Variants in RANBP2 observed in about 807,000 individuals in gnomAD.
The protein encoded by RANBP2 is E3 SUMO-protein ligase RanBP2.
A neutral mutation model predicts 303.6 loss-of-function variants in RANBP2; 57 were observed. That is an observed-to-expected ratio of 0.19 (90% CI 0.15 to 0.23). The LOEUF is 0.23. Among genes scored for constraint, RANBP2 ranks in the 10% least tolerant of loss-of-function variants. The pLI is 1.00. For synonymous variants in RANBP2, 1,167 were observed against 1,301.5 expected (o/e 0.90, Z 2.23); for missense variants, 3,138 against 3,780.8 (o/e 0.83, Z 4.46).
chr2:109,724,153 C>A, the RANBP2 span, among the ~76,000 whole-genome samples: 1 of 152,172 alleles, frequency 6.6e-6, no homozygotes, highest in Non-Finnish European at 1.5e-5. Context: ...CAGCACCATG[C>A]TGTTTTGGTT....
At chr2:108,975,004 C>T in the RANBP2 span, among the ~76,000 whole-genome samples, 2 of 152,196 alleles carry the variant, frequency 1.3e-5, no homozygotes, top group Admixed American at 6.5e-5. Flanking sequence ...TTCTGCAAGT[C>T]CCCTCAGCAA....
chr2:109,249,523 C>CTT, the RANBP2 span, among the ~76,000 whole-genome samples: 1,247 of 106,930 alleles, frequency 0.012, 10 homozygotes, highest in East Asian at 0.018. Flanking sequence ...CTTTCTTTTT[C>CTT]TTTCTTTCTT....
the RANBP2 span, among the ~76,000 whole-genome samples, chr2:109,288,407 A>G: frequency 6.6e-6 from 1 of 152,228 alleles, no homozygotes; most frequent in Non-Finnish European, 1.5e-5. Flanking sequence ...CAAAGGAGGC[A>G]TTTGAATGTG....
chr2:109,570,430 G>C, the RANBP2 span, among the ~76,000 whole-genome samples: 1 of 151,798 alleles, frequency 6.6e-6, no homozygotes, highest in Non-Finnish European at 1.5e-5. Flanking sequence ...AAAAATATTA[G>C]GGGAAAAATT....
chr2:109,615,800 C>T, the RANBP2 span: 1 of 1,613,910 alleles, frequency 6.2e-7, no homozygotes, highest in Non-Finnish European at 8.5e-7. Flanking sequence ...ATGGAGGGGA[C>T]CATCACCACC....
chr2:108,788,811 ATTG>A (rs536817990), downstream of RANBP2: 339 of 1,612,700 alleles, frequency 2.1e-4, no homozygotes, highest in Non-Finnish European at 2.7e-4. Context: ...TTTGTGATAT[ATTG>A]TTGTGGTAAT....
At chr2:109,381,332 C>T in the RANBP2 span, among the ~76,000 whole-genome samples, 1 of 152,338 alleles carries the variant, frequency 6.6e-6, no homozygotes, top group Admixed American at 6.5e-5. Context: ...TCTCCTGTCA[C>T]TCATATGGAC....
the RANBP2 span, among the ~76,000 whole-genome samples, chr2:109,416,206 C>T: frequency 1.2e-3 from 189 of 152,274 alleles, no homozygotes; most frequent in Non-Finnish European, 2.3e-3. Context: ...TGCCTCATGC[C>T]TTTCGAAGCC....
At chr2:109,476,737 AGAATAGCTGTTCCATAGACAGCAGCCCTG>A in the RANBP2 span, among the ~76,000 whole-genome samples, 1 of 152,242 alleles carries the variant, frequency 6.6e-6, no homozygotes, top group Admixed American at 6.5e-5. Context: ...AAGGAATACA[AGAATAGCTGTTCCATAGACAGCAGCCCTG>A]AGGGCTGCTG....
the RANBP2 span, among the ~76,000 whole-genome samples, chr2:109,554,309 T>C: frequency 1.4e-4 from 21 of 152,302 alleles, no homozygotes; most frequent in Non-Finnish European, 2.2e-4. Context: ...CTGAGCACTT[T>C]CACACCGCAT....
the RANBP2 span, among the ~76,000 whole-genome samples, chr2:109,252,738 C>T: frequency 2.0e-5 from 3 of 152,192 alleles, no homozygotes; most frequent in Non-Finnish European, 4.4e-5. Flanking sequence ...CTAATGTAAT[C>T]AGCCTACAGT....
chr2:109,288,560 C>T, the RANBP2 span, among the ~76,000 whole-genome samples: 1 of 152,224 alleles, frequency 6.6e-6, no homozygotes, highest in African/African-American at 2.4e-5. Context: ...TCTGGAGTCA[C>T]CTCCATTTCC....
At chr2:109,257,737 CA>C in the RANBP2 span, among the ~76,000 whole-genome samples, 1 of 152,030 alleles carries the variant, frequency 6.6e-6, no homozygotes, top group Non-Finnish European at 1.5e-5. Context: ...TCTCAGTGTC[CA>C]AAAAAACCAA....
At chr2:108,951,701 T>C in the RANBP2 span, among the ~76,000 whole-genome samples, 1 of 152,160 alleles carries the variant, frequency 6.6e-6, no homozygotes, top group Non-Finnish European at 1.5e-5. Context: ...GAGGGTCTTA[T>C]ACTAGATCAT....
the RANBP2 span, among the ~76,000 whole-genome samples, chr2:109,208,294 G>A: frequency 2.0e-5 from 3 of 152,256 alleles, no homozygotes; most frequent in African/African-American, 7.2e-5. Flanking sequence ...GCCACCTGCA[G>A]GTGGGGCATA....
the RANBP2 span, among the ~76,000 whole-genome samples, chr2:108,859,147 T>C: frequency 6.6e-6 from 1 of 152,208 alleles, no homozygotes; most frequent in Non-Finnish European, 1.5e-5. Context: ...ATTTCAAAGA[T>C]GATTAGTGAT....
chr2:109,673,875 G>A, the RANBP2 span, among the ~76,000 whole-genome samples: 1 of 152,106 alleles, frequency 6.6e-6, no homozygotes, highest in Non-Finnish European at 1.5e-5. Flanking sequence ...GATATTTTCA[G>A]GTTTTTTCCC....
At chr2:109,181,643 T>A in the RANBP2 span, among the ~76,000 whole-genome samples, 1 of 152,234 alleles carries the variant, frequency 6.6e-6, no homozygotes, top group Non-Finnish European at 1.5e-5. Context: ...TAGATGCCTG[T>A]TGCCGAACAC....
chr2:109,358,982 A>C, the RANBP2 span, among the ~76,000 whole-genome samples: 89 of 152,032 alleles, frequency 5.9e-4, no homozygotes, highest in South Asian at 1.5e-3. Flanking sequence ...GTTTATTTCT[A>C]GATTTTTTGC....
Sources: gnomAD v4.1 joint callset for allele counts (sites outside exome capture counted in the v4.1 genomes callset) on GRCh38, gnomAD v4.1.1 for gene constraint, MANE v1.5 for transcripts, NCBI Gene and HGNC (gene_info 2026-07-23, HGNC 2026-07-21) for gene names.